COBL: variants seen among roughly 807,000 people sequenced by gnomAD.
COBL encodes the protein protein cordon-bleu.
COBL carries 51 observed loss-of-function variants against 98.8 expected under a neutral mutation model. The ratio of observed to expected loss-of-function variants is 0.52; its 90% confidence interval spans 0.41 to 0.65. The LOEUF (loss-of-function observed/expected upper bound fraction) is 0.65, where lower values mean the gene tolerates loss of function less well. Among genes scored for constraint, COBL ranks in the 30% least tolerant of loss-of-function variants. COBL has a pLI of 0.00. For missense variants in COBL, 1,617 were observed against 1,617.5 expected, an observed-to-expected ratio of 1.00 and a Z score of 0.01; for synonymous variants, 634 against 651.7, an observed-to-expected ratio of 0.97 and a Z score of 0.41.
In COBL at chr7:51,133,258, C is replaced by T. The variant is rs532862571; in HGVS notation, c.957+2900G>A. On this transcript the variant is annotated intron_variant, in intron 6 of 12. Transcript: ENST00000265136. ...CTGGGTCCCAGTGAGAAGGAGTGGA[C>T]GCTACTGATGTGTTTTAACACATAA... 8.5e-5 allele frequency among the ~76,000 whole-genome samples: 13 copies of T among 152,264 alleles called. No individual in the cohort carries two copies. In the East Asian group the frequency reaches 9.7e-4, roughly 11 times the overall value.
intron 1 of COBL, among the ~76,000 whole-genome samples, chr7:51,312,325 T>C (rs1803138207): frequency 6.6e-6 from 1 of 152,102 alleles, no homozygotes; most frequent in South Asian, 2.1e-4. Flanking sequence ...GGTGAGATTA[T>C]GTCCCCCCAC....
Position 51,096,284 on chromosome 7 carries a change from G to A in COBL, c.958-10980C>T, listed in dbSNP as rs376155641. On this transcript the variant is annotated intron_variant, in intron 6 of 12. Coordinates refer to ENST00000265136, the MANE Select transcript of COBL (RefSeq NM_015198.5). ...CTTGAACAACCAATGGTTCAAAGAAGAAATCACAAGGGTAGTCAGAAAATA... is the reference window on the plus strand; with the variant it reads ...CTTGAACAACCAATGGTTCAAAGAAAAAATCACAAGGGTAGTCAGAAAATA... Among the ~76,000 whole-genome samples the A allele has an allele frequency of 8.5e-5, 13 of 152,196 alleles. No homozygotes were observed. The East Asian group carries it at 9.6e-4, about 11-fold the overall frequency.
chr7:51,279,458 T>C (rs886897621), intron 1 of COBL, among the ~76,000 whole-genome samples: 3 of 152,354 alleles, frequency 2.0e-5, no homozygotes, highest in Admixed American at 2.0e-4. Context: ...CTGGCACATT[T>C]TTCTAAAATA....
chr7:51,289,988 C>G (rs952189877), intron 1 of COBL, among the ~76,000 whole-genome samples: 2 of 152,098 alleles, frequency 1.3e-5, no homozygotes, highest in Non-Finnish European at 2.9e-5. Context: ...CAGCCCTATA[C>G]GAGGGCCTTG....
chr7:51,083,302 T>A (rs1275846416), intron 7 of COBL: 5 of 1,171,800 alleles, frequency 4.3e-6, no homozygotes, highest in Non-Finnish European at 5.8e-6. Flanking sequence ...AAATCCAACC[T>A]CACTGGGCAC....
chr7:51,272,269 T>A (rs1439459250), intron 1 of COBL, among the ~76,000 whole-genome samples: 1 of 152,196 alleles, frequency 6.6e-6, no homozygotes, highest in East Asian at 1.9e-4. Context: ...ACTCAAGGTA[T>A]GATTTTTTTC....
intron 6 of COBL, among the ~76,000 whole-genome samples, chr7:51,126,568 G>A (rs1354432975): frequency 1.3e-5 from 2 of 152,100 alleles, no homozygotes; most frequent in Non-Finnish European, 2.9e-5. Flanking sequence ...AGGGCTTCTG[G>A]GGTCAGCCTT....
intron 7 of COBL, among the ~76,000 whole-genome samples, chr7:51,070,408 C>G (rs991071948): frequency 6.6e-6 from 1 of 151,894 alleles, no homozygotes; most frequent in Admixed American, 6.6e-5. Context: ...CACACACACA[C>G]ACACACACAC....
At chr7:51,314,608 C>T (rs896233951) in intron 1 of COBL, among the ~76,000 whole-genome samples, 3 of 152,136 alleles carry the variant, frequency 2.0e-5, no homozygotes, top group Admixed American at 2.0e-4. Flanking sequence ...TAATTCTTGT[C>T]TGAAAAAATA....
intron 6 of COBL, among the ~76,000 whole-genome samples, chr7:51,122,385 G>A (rs1797820664): frequency 6.6e-6 from 1 of 152,188 alleles, no homozygotes; most frequent in Non-Finnish European, 1.5e-5. Flanking sequence ...CAGGAACTCG[G>A]CTTCCTTTGT....
chr7:51,238,094 A>G (rs1476760706), intron 1 of COBL, among the ~76,000 whole-genome samples: 1 of 152,242 alleles, frequency 6.6e-6, no homozygotes, highest in African/African-American at 2.4e-5. Context: ...CCATGCTGAC[A>G]GCCAGCAGTG....
At chr7:51,065,231 T>C (rs1279527029) in intron 7 of COBL, 4 of 703,412 alleles carry the variant, frequency 5.7e-6, no homozygotes, top group Non-Finnish European at 1.0e-5. Flanking sequence ...TGTCTAAGTG[T>C]GCACATGCAT....
chr7:51,236,559 C>A (rs1795276677), intron 1 of COBL, among the ~76,000 whole-genome samples: 1 of 152,136 alleles, frequency 6.6e-6, no homozygotes, highest in Non-Finnish European at 1.5e-5. Context: ...TTGGTGTTCT[C>A]ATCAGCCAGA....
chr7:51,297,131 G>A (rs1367921679), intron 1 of COBL, among the ~76,000 whole-genome samples: 1 of 152,046 alleles, frequency 6.6e-6, no homozygotes, highest in Non-Finnish European at 1.5e-5. Flanking sequence ...TCGGTGACTC[G>A]GCTGCACATC....
intron 1 of COBL, among the ~76,000 whole-genome samples, chr7:51,221,485 T>C (rs1793633779): frequency 6.6e-6 from 1 of 152,212 alleles, no homozygotes; most frequent in South Asian, 2.1e-4. Context: ...TGTCAATAAA[T>C]TATGTTATAC....
At position 51,172,493 on chromosome 7, in the gene COBL, T is replaced by C. The variant is rs1212061568; in HGVS notation, c.783+11609A>G. 3.9e-6 allele frequency: 5 copies of C among 1,288,290 alleles called. No homozygotes were observed. In the South Asian group the frequency reaches 6.2e-5, roughly 16 times the overall value. 79.8% of individuals were successfully genotyped at this position (1,288,290 alleles called of 1,614,324 possible). On this transcript the variant is annotated intron_variant, in intron 5 of 12. Coordinates refer to ENST00000265136, the MANE Select transcript of COBL (RefSeq NM_015198.5). ...TCCTGGGGCAGCCCTGGAGGTGTCC[T>C]CATCGCTGTCTGCACCCGACAGCAC...
chr7:51,063,394 C>T (rs983626477), intron 7 of COBL, among the ~76,000 whole-genome samples: 47 of 152,324 alleles, frequency 3.1e-4, no homozygotes, highest in African/African-American at 1.1e-3. Flanking sequence ...CTCGGCCTCC[C>T]AAAGTGCTGG....
chr7:51,287,393 C>T lies in COBL; in HGVS notation c.41+29200G>A, dbSNP rs116089260. Among the ~76,000 whole-genome samples, 1,152 of 152,268 alleles carry T rather than the reference C, an allele frequency of 7.6e-3. 15 individuals are homozygous for T. Among genetic ancestry groups the T allele is most frequent in the African/African-American group, 0.027 (1,120 of 41,558 alleles). ...AAATAAACACATAAAGCTTCGCCAT[C>T]GTTAGCCTTTAGGTAAATGCAAGTT... On this transcript the variant is annotated intron_variant, in intron 1 of 12. Transcript: ENST00000265136.
Position 51,043,622 on chromosome 7 carries a change from C to T in COBL, c.1167G>A (p.Glu389=), listed in dbSNP as rs1346952868. ...DGAPQVLSEA[E]ETVSVGSCFA... The stretch of plus-strand genomic sequence containing the variant: ...AACAGCTGCCAACTGACACGGTCTC[C>T]TCCGCCTCTGACAGCACCTGCGGGG... Residue 389 remains glutamate, a synonymous_variant, in exon 8 of 13, where the codon GAG becomes GAA. Transcript: ENST00000265136. The T allele has an allele frequency of 1.9e-6, 3 of 1,614,230 alleles. No individual in the cohort carries two copies. In the South Asian group the frequency reaches 3.3e-5, roughly 18 times the overall value.
Sources: gnomAD v4.1 joint callset for allele counts (sites outside exome capture counted in the v4.1 genomes callset) on GRCh38, gnomAD v4.1.1 for gene constraint, MANE v1.5 for transcripts, NCBI Gene and HGNC (gene_info 2026-07-23, HGNC 2026-07-21) for gene names.